CSNK1G3: variants seen among roughly 807,000 people sequenced by gnomAD.
The protein encoded by CSNK1G3 is casein kinase 1 gamma 3, also known as casein kinase I isoform gamma-3.
CSNK1G3 carries 23 observed loss-of-function variants against 64.3 expected under a neutral mutation model. The ratio of observed to expected loss-of-function variants is 0.36; its 90% CI spans 0.26 to 0.51. The LOEUF (loss-of-function observed/expected upper bound fraction) is 0.51. Among genes scored for constraint, CSNK1G3 ranks in the 20% least tolerant of loss-of-function variants. The probability of loss-of-function intolerance (pLI) is 0.96; values close to 1 mark genes in which losing one functional copy is unlikely to be tolerated. For synonymous variants in CSNK1G3, 158 were observed against 162.2 expected (o/e 0.97, Z 0.20); for missense variants, 357 against 510.5 (o/e 0.70, Z 2.90).
At chr5:123,574,419 T>A (rs1361538951) in intron 5 of CSNK1G3, among the ~76,000 whole-genome samples, 1 of 152,140 alleles carries the variant, frequency 6.6e-6, no homozygotes, top group African/African-American at 2.4e-5. Flanking sequence ...AAAGGATGTT[T>A]ATAATAAAAA....
chr5:123,542,849 A>AGTGTGTGTGTGTGTGTGT (rs66645709), intron 1 of CSNK1G3, among the ~76,000 whole-genome samples: 83 of 134,898 alleles, frequency 6.2e-4, no homozygotes, highest in African/African-American at 2.2e-3. Context: ...GCCTAGATTT[A>AGTGTGTGTGTGTGTGTGT]GTGTGTGTGT....
At chr5:123,541,275 A>G (rs1781632374) in intron 1 of CSNK1G3, among the ~76,000 whole-genome samples, 1 of 152,172 alleles carries the variant, frequency 6.6e-6, no homozygotes, top group South Asian at 2.1e-4. Context: ...TTTTATCATT[A>G]TGAAATGCAC....
At chr5:123,587,206 CT>C (rs1317284565) in intron 6 of CSNK1G3, among the ~76,000 whole-genome samples, 1 of 152,168 alleles carries the variant, frequency 6.6e-6, no homozygotes, top group Non-Finnish European at 1.5e-5. Flanking sequence ...GAAAAGTTTG[CT>C]TTTCTGAAAG....
At chr5:123,570,922 A>G (rs1787970009) in intron 4 of CSNK1G3, among the ~76,000 whole-genome samples, 1 of 152,216 alleles carries the variant, frequency 6.6e-6, no homozygotes, top group African/African-American at 2.4e-5. Context: ...CTGTCTGTAA[A>G]TCTTAATTGC....
intron 10 of CSNK1G3, among the ~76,000 whole-genome samples, chr5:123,599,789 A>T (rs1378286968): frequency 6.6e-6 from 1 of 152,164 alleles, no homozygotes. Context: ...TACATAAATA[A>T]TTTATAGTTC....
At chr5:123,541,311 T>C (rs1297239996) in intron 1 of CSNK1G3, among the ~76,000 whole-genome samples, 1 of 152,230 alleles carries the variant, frequency 6.6e-6, no homozygotes, top group Non-Finnish European at 1.5e-5. Flanking sequence ...GATAATCCTT[T>C]GTTTTGATGT....
intron 1 of CSNK1G3, among the ~76,000 whole-genome samples, chr5:123,542,230 G>A (rs1245964044): frequency 6.6e-6 from 1 of 152,020 alleles, no homozygotes; most frequent in Non-Finnish European, 1.5e-5. Context: ...TTTGTATGTG[G>A]TGAGAAGACT....
At chr5:123,522,841 C>T (rs1348878242) in intron 1 of CSNK1G3, among the ~76,000 whole-genome samples, 4 of 152,072 alleles carry the variant, frequency 2.6e-5, no homozygotes, top group Non-Finnish European at 5.9e-5. Flanking sequence ...ATATTCATTG[C>T]TCATTAGCAG....
intron 1 of CSNK1G3, among the ~76,000 whole-genome samples, chr5:123,516,681 T>TA (rs1478693958): frequency 6.6e-6 from 1 of 152,238 alleles, no homozygotes; most frequent in Non-Finnish European, 1.5e-5. Flanking sequence ...TTACCAATGA[T>TA]ATATTACATA....
chr5:123,588,462 A>T (rs910126600), exon 8 of CSNK1G3: 4 of 1,612,976 alleles, frequency 2.5e-6, no homozygotes, highest in Admixed American at 1.7e-5. Context: ...AGAAAATTGG[A>T]GATACAAAAC....
intron 10 of CSNK1G3, among the ~76,000 whole-genome samples, chr5:123,598,130 C>T (rs1793782779): frequency 6.6e-6 from 1 of 152,060 alleles, no homozygotes; most frequent in African/African-American, 2.4e-5. Flanking sequence ...GAATAATATT[C>T]AGATATCTAC....
chr5:123,564,024 C>T (rs1786312546), intron 4 of CSNK1G3, among the ~76,000 whole-genome samples: 1 of 151,930 alleles, frequency 6.6e-6, no homozygotes, highest in Non-Finnish European at 1.5e-5. Flanking sequence ...ATATGTAATA[C>T]TTCTAATTCT....
intron 1 of CSNK1G3, among the ~76,000 whole-genome samples, chr5:123,533,854 T>C (rs1780369909): frequency 6.6e-6 from 1 of 151,872 alleles, no homozygotes; most frequent in African/African-American, 2.4e-5. Context: ...GTGTTTTTCA[T>C]ATTGTTAGCT....
chr5:123,575,440 A>C (rs1788978807), intron 5 of CSNK1G3, among the ~76,000 whole-genome samples: 1 of 152,180 alleles, frequency 6.6e-6, no homozygotes. Context: ...TGATTTTATG[A>C]AGTAGCATCC....
At chr5:123,530,153 A>T (rs1196775789) in intron 1 of CSNK1G3, among the ~76,000 whole-genome samples, 1 of 152,030 alleles carries the variant, frequency 6.6e-6, no homozygotes, top group Non-Finnish European at 1.5e-5. Context: ...ATGGGCTATG[A>T]TAAAGGGTAT....
intron 10 of CSNK1G3, among the ~76,000 whole-genome samples, chr5:123,601,333 A>G (rs1395473061): frequency 1.3e-5 from 2 of 152,184 alleles, no homozygotes; most frequent in Non-Finnish European, 2.9e-5. Context: ...TACACTCTCA[A>G]GTCACCGGTG....
At chr5:123,591,909 G>A (rs1792436474) in intron 10 of CSNK1G3, among the ~76,000 whole-genome samples, 1 of 151,980 alleles carries the variant, frequency 6.6e-6, no homozygotes, top group African/African-American at 2.4e-5. Flanking sequence ...TTGACCCTGG[G>A]CAAATAAGTT....
chr5:123,595,356 A>G, intron 10 of CSNK1G3, among the ~76,000 whole-genome samples: 1 of 152,158 alleles, frequency 6.6e-6, no homozygotes, highest in South Asian at 2.1e-4. Flanking sequence ...CATTTTTGCA[A>G]CTATATGCTA....
rs12519416 is a variant in CSNK1G3 at position 123,549,144 on chromosome 5, G to C, written c.178+3303G>C. Among the ~76,000 whole-genome samples, 724 of 152,246 alleles carry C rather than the reference G, an allele frequency of 4.8e-3. 18 individuals carry two copies. The highest frequency in any genetic ancestry group is 0.04 in the Admixed American group (617 of 15,268). On this transcript the variant is annotated intron_variant, in intron 2 of 12. Coordinates refer to ENST00000345990, the Ensembl canonical transcript of CSNK1G3. Reference sequence around the variant, plus strand: ...ATAGTTGAGAACTTCTGTGTTTGTAGTTTTATTTTATGTGTTGGTAGTAAG... The same window carrying C: ...ATAGTTGAGAACTTCTGTGTTTGTACTTTTATTTTATGTGTTGGTAGTAAG...
Sources: gnomAD v4.1 joint callset for allele counts (sites outside exome capture counted in the v4.1 genomes callset) on GRCh38, gnomAD v4.1.1 for gene constraint, MANE v1.5 for transcripts, NCBI Gene and HGNC (gene_info 2026-07-23, HGNC 2026-07-21) for gene names.